CYP2C8: variants seen among roughly 807,000 people sequenced by gnomAD.
The protein encoded by CYP2C8 is cytochrome P450 family 2 subfamily C member 8.
CYP2C8 carries 51 observed loss-of-function variants against 41.3 expected under a neutral mutation model. That is an observed-to-expected ratio of 1.24 (90% CI 0.99 to 1.56). The LOEUF is 1.56. Ranked by LOEUF, CYP2C8 falls within the 40% of genes most tolerant of loss-of-function variation. The pLI, the probability that CYP2C8 is intolerant of heterozygous loss-of-function variation, is 0.00. For synonymous variants in CYP2C8, 218 were observed against 205.8 expected, an observed-to-expected ratio of 1.06 and a Z score of -0.51; for missense variants, 651 against 579.9, an observed-to-expected ratio of 1.12 and a Z score of -1.26.
rs1207535747 is a variant in CYP2C8, at chr10:95,069,391, AAAAGG to A, written c.7_11del (p.Pro3CysfsTer21). The A allele has an allele frequency of 6.8e-6, 11 of 1,613,998 alleles. No individual in the cohort carries two copies. Among genetic ancestry groups the A allele is most frequent in the Non-Finnish European group, 9.3e-6 (11 of 1,180,006 alleles). ...AAGAGAGACACAGCACCAGGACCAC[AAAAGG>A]TTCCATTGAAGCCTTCTCTTCTTAT... On this transcript the variant is annotated frameshift_variant, in exon 1 of 9. Transcript: ENST00000371270. LOFTEE classifies it high-confidence loss of function.
intron 4 of CYP2C8, among the ~76,000 whole-genome samples, chr10:95,060,081 G>A (rs1292410582): frequency 6.6e-6 from 1 of 152,190 alleles, no homozygotes; most frequent in East Asian, 1.9e-4. Flanking sequence ...GTAGCCTGAT[G>A]CCTCCAGCTT....
chr10:95,068,680 A>G, intron 1 of CYP2C8: 1 of 1,092,052 alleles, frequency 9.2e-7, no homozygotes, highest in Non-Finnish European at 1.2e-6. Context: ...ACTGTATTAA[A>G]TGATTATATA....
intron 7 of CYP2C8, among the ~76,000 whole-genome samples, chr10:95,041,469 G>A (rs939045066): frequency 6.6e-6 from 1 of 152,196 alleles, no homozygotes; most frequent in East Asian, 1.9e-4. Context: ...CAGCCAGAAG[G>A]AAGTTACTGG....
chr10:95,067,652 C>A lies in CYP2C8; in HGVS notation c.208G>T (p.Gly70Cys). 1 of 1,614,144 alleles carries A rather than the reference C, an allele frequency of 6.2e-7. No homozygotes were observed. The highest frequency in any genetic ancestry group is 8.5e-7 in the Non-Finnish European group (1 of 1,180,024). ...TGAAACACCACTATGGGATTCATGC[C>A]AAAATACACGGTGAACACAGGACCA... ...VYGPVFTVYF[G>C]MNPIVVFHGY... Residue 70 changes from glycine to cysteine, a missense_variant, in exon 2 of 9, where the codon GGC becomes TGC. Gly to Cys is a radical substitution (Grantham distance 159). Transcript: ENST00000371270.
At chr10:95,067,458 CTTTTTAGGGCTCTG>C (rs2033595354) in intron 2 of CYP2C8, 57 bp downstream of exon 2, 1 of 1,613,172 alleles carries the variant, frequency 6.2e-7, no homozygotes, top group Admixed American at 1.7e-5. Flanking sequence ...TGCTGAGAAG[CTTTTTAGGGCTCTG>C]TTTTCCATCC....
At chr10:95,062,422 G>T (rs559100557) in intron 4 of CYP2C8, among the ~76,000 whole-genome samples, 2 of 151,994 alleles carry the variant, frequency 1.3e-5, no homozygotes, top group Non-Finnish European at 2.9e-5. Flanking sequence ...TTTAATCTTT[G>T]TTGGTTTAAA....
At chr10:95,061,520 A>T (rs985290543) in intron 4 of CYP2C8, among the ~76,000 whole-genome samples, 1 of 151,732 alleles carries the variant, frequency 6.6e-6, no homozygotes, top group African/African-American at 2.4e-5. Flanking sequence ...TATCTATTTG[A>T]GTTTTCTCTC....
intron 5 of CYP2C8, among the ~76,000 whole-genome samples, chr10:95,054,298 G>A (rs2033269632): frequency 1.3e-5 from 2 of 151,858 alleles, no homozygotes; most frequent in South Asian, 4.1e-4. Context: ...AGAAAGAAAG[G>A]AAAAATCTAA....
intron 4 of CYP2C8, 151 bp downstream of exon 4, chr10:95,064,649 C>G (rs11572093): frequency 1.3e-6 from 1 of 770,118 alleles, no homozygotes; most frequent in Non-Finnish European, 2.1e-6. Context: ...AAATTTTGAA[C>G]AGGAAATCAA....
Position 95,067,696 on chromosome 10 carries a change from G to A in CYP2C8, c.169-5C>T. 6.2e-7 allele frequency: 1 copy of A among 1,614,050 alleles called. No homozygotes were observed. Among genetic ancestry groups the A allele is most frequent in the Non-Finnish European group, 8.5e-7 (1 of 1,179,974 alleles). ...AGGACCATAGACTTTTGAGAACTGG[G>A]AAAGGAAATGCAAATAGCAGCAAAA... On this transcript the variant is annotated splice_polypyrimidine_tract_variant and splice_region_variant and intron_variant, in intron 1 of 8. Coordinates refer to ENST00000371270, the MANE Select transcript of CYP2C8 (RefSeq NM_000770.3).
intron 5 of CYP2C8, among the ~76,000 whole-genome samples, chr10:95,055,437 T>G (rs2033297613): frequency 1.3e-5 from 2 of 152,130 alleles, no homozygotes; most frequent in Non-Finnish European, 2.9e-5. Flanking sequence ...TACAAAAGAA[T>G]GAAGTTGAAC....
In CYP2C8 at chr10:95,042,988, C is replaced by G; in HGVS notation, c.1051G>C (p.Val351Leu). ...CTGTATCTCTGGATCTCGTGCACTA[C>G]AGCATCAGTGTAAGGCATGTGGCTC... is the stretch of plus-strand genomic sequence containing the variant. ...DRSHMPYTDA[V>L]VHEIQRYSDL... Residue 351 changes from valine to leucine, a missense_variant, in exon 7 of 9, where the codon GTA becomes CTA. By Grantham distance (32) the Val-to-Leu change is conservative. Coordinates refer to ENST00000371270, the MANE Select transcript of CYP2C8 (RefSeq NM_000770.3). 6.2e-7 allele frequency: 1 copy of G among 1,614,168 alleles called. No homozygotes were observed. The highest frequency in any genetic ancestry group is 1.1e-5 in the South Asian group (1 of 91,088).
intron 3 of CYP2C8, among the ~76,000 whole-genome samples, chr10:95,065,498 T>C (rs1226175256): frequency 6.6e-6 from 1 of 152,184 alleles, no homozygotes; most frequent in African/African-American, 2.4e-5. Context: ...AAAACTAATA[T>C]AAATGAGCAT....
At chr10:95,066,805 G>A (rs894839855) in intron 3 of CYP2C8, among the ~76,000 whole-genome samples, 1 of 152,144 alleles carries the variant, frequency 6.6e-6, no homozygotes, top group Admixed American at 6.5e-5. Context: ...AGTGTGATGA[G>A]GTCACTTTCA....
chr10:95,050,827 G>A (rs1056436729), intron 5 of CYP2C8, among the ~76,000 whole-genome samples: 18 of 152,102 alleles, frequency 1.2e-4, no homozygotes, highest in East Asian at 3.9e-4. Context: ...ATCGAAAATA[G>A]GTTAAGTCCT....
intron 4 of CYP2C8, 99 bp from the exon 5 acceptor site, chr10:95,058,610 A>C: frequency 1.2e-5 from 13 of 1,079,816 alleles, no homozygotes; most frequent in South Asian, 1.5e-5. Flanking sequence ...TGAATAAGAC[A>C]TCATGTCCAT....
intron 3 of CYP2C8, among the ~76,000 whole-genome samples, chr10:95,065,790 A>G (rs370109764): frequency 2.0e-5 from 3 of 152,192 alleles, no homozygotes; most frequent in East Asian, 3.8e-4. Context: ...TTTAAATTTG[A>G]CCATAAGTTA....
At chr10:95,039,125 G>T in intron 7 of CYP2C8, 87 bp from the exon 8 acceptor site, 1 of 1,242,846 alleles carries the variant, frequency 8.0e-7, no homozygotes, top group Non-Finnish European at 1.2e-6. Context: ...CCATAACGTT[G>T]ATCTATAGAT....
chr10:95,058,745 T>A (rs999159166), intron 4 of CYP2C8, among the ~76,000 whole-genome samples: 1 of 152,144 alleles, frequency 6.6e-6, no homozygotes, highest in Non-Finnish European at 1.5e-5. Flanking sequence ...CTGCACCCAA[T>A]AACTCGTCAT....
Sources: gnomAD v4.1 joint callset for allele counts (sites outside exome capture counted in the v4.1 genomes callset) on GRCh38, gnomAD v4.1.1 for gene constraint, MANE v1.5 for transcripts, NCBI Gene and HGNC (gene_info 2026-07-23, HGNC 2026-07-21) for gene names.